Variants in KATNAL2 observed in about 807,000 individuals in gnomAD.
KATNAL2 encodes katanin p60 ATPase-containing subunit A-like 2.
A neutral mutation model predicts 76.3 loss-of-function variants in KATNAL2; 52 were observed. The observed-to-expected ratio is 0.68, with a 90% CI of 0.55 to 0.86. The LOEUF is 0.86. Ranked by LOEUF, KATNAL2 falls within the 40% of genes least tolerant of loss-of-function variation. The probability of loss-of-function intolerance (pLI) is 0.00; values close to 1 mark genes in which losing one functional copy is unlikely to be tolerated. For synonymous variants in KATNAL2, 243 were observed against 244.2 expected (o/e 1.00, Z 0.05); for missense variants, 660 against 668.9 (o/e 0.99, Z 0.15).
At chr18:47,081,903 T>TA (rs1163306832) in intron 15 of KATNAL2, among the ~76,000 whole-genome samples, 6 of 152,156 alleles carry the variant, frequency 3.9e-5, no homozygotes, top group Non-Finnish European at 7.3e-5. Context: ...AGCTAGGAAA[T>TA]ACGTATCTTT....
chr18:46,950,298 CTT>C (rs1213870551), intron 3 of KATNAL2, among the ~76,000 whole-genome samples: 1 of 152,096 alleles, frequency 6.6e-6, no homozygotes, highest in Non-Finnish European at 1.5e-5. Flanking sequence ...GGTTTGATCT[CTT>C]GGGGTCTATG....
intron 1 of KATNAL2, among the ~76,000 whole-genome samples, chr18:46,934,843 A>T (rs939309775): frequency 2.0e-5 from 3 of 152,146 alleles, no homozygotes; most frequent in African/African-American, 7.2e-5. Context: ...TAAGGAAGGG[A>T]TCCAGTTTCA....
chr18:47,055,424 C>T (rs2061443745), intron 6 of KATNAL2, among the ~76,000 whole-genome samples: 1 of 152,188 alleles, frequency 6.6e-6, no homozygotes, highest in Non-Finnish European at 1.5e-5. Flanking sequence ...CGCTACATTT[C>T]CCACCCCTGC....
intron 3 of KATNAL2, among the ~76,000 whole-genome samples, chr18:47,042,508 C>T (rs1343725605): frequency 1.3e-5 from 2 of 152,062 alleles, no homozygotes; most frequent in South Asian, 2.1e-4. Flanking sequence ...CATAACTGAA[C>T]CTCTTCATTA....
chr18:47,034,749 T>G (rs975232089), intron 3 of KATNAL2: 32 of 1,612,730 alleles, frequency 2.0e-5, no homozygotes, highest in Non-Finnish European at 2.7e-5. Flanking sequence ...CTGTGCGCGT[T>G]GGAGAGGCCC....
intron 3 of KATNAL2, among the ~76,000 whole-genome samples, chr18:46,951,848 G>A (rs2059567172): frequency 6.6e-6 from 1 of 152,092 alleles, no homozygotes; most frequent in Non-Finnish European, 1.5e-5. Flanking sequence ...TTGGCTCACT[G>A]TAACCTCCAC....
chr18:46,962,207 C>G (rs2060001384), intron 3 of KATNAL2, among the ~76,000 whole-genome samples: 1 of 143,020 alleles, frequency 7.0e-6, no homozygotes, highest in Non-Finnish European at 1.5e-5. Flanking sequence ...CTCCGTTTGG[C>G]CCAGCCTGTT....
At chr18:46,942,106 A>T (rs948817949) in intron 1 of KATNAL2, among the ~76,000 whole-genome samples, 2 of 152,192 alleles carry the variant, frequency 1.3e-5, no homozygotes, top group African/African-American at 4.8e-5. Flanking sequence ...AGGTTGCTCT[A>T]TGAGGAAGTT....
chr18:46,931,622 C>T (rs1443083645), intron 1 of KATNAL2, among the ~76,000 whole-genome samples: 9 of 150,854 alleles, frequency 6.0e-5, no homozygotes, highest in South Asian at 2.1e-4. Context: ...CATTGCACTC[C>T]GGCCTGGACA....
At chr18:47,076,624 G>C (rs2062237177) in intron 14 of KATNAL2, 1 of 152,054 alleles carries the variant, frequency 6.6e-6, no homozygotes, top group Non-Finnish European at 1.5e-5. Context: ...TGGGATCAAA[G>C]ACTCCAAAAT....
intron 15 of KATNAL2, chr18:47,099,012 CTCCT>C: frequency 2.6e-6 from 1 of 385,718 alleles, no homozygotes; most frequent in Non-Finnish European, 4.6e-6. Context: ...TCTCTTTCTT[CTCCT>C]TCCTTTCTGC....
chr18:47,089,911 T>TA (rs201452881), intron 15 of KATNAL2, among the ~76,000 whole-genome samples: 4,498 of 150,716 alleles, frequency 0.03, 112 homozygotes, highest in Non-Finnish European at 0.047. Flanking sequence ...GTATTTCTTT[T>TA]AAAAAAAAAA....
At chr18:47,095,738 T>A (rs2063205303) in intron 15 of KATNAL2, among the ~76,000 whole-genome samples, 1 of 152,166 alleles carries the variant, frequency 6.6e-6, no homozygotes, top group African/African-American at 2.4e-5. Context: ...ATTGAACAAC[T>A]GGTGTGGTGT....
chr18:46,930,712 G>T (rs1051824577), intron 1 of KATNAL2, among the ~76,000 whole-genome samples: 1 of 151,990 alleles, frequency 6.6e-6, no homozygotes, highest in Non-Finnish European at 1.5e-5. Flanking sequence ...CTAGTTGGGA[G>T]GCTGAGGCAG....
chr18:47,059,424 A>G, intron 7 of KATNAL2, 132 bp from the exon 8 acceptor site: 1 of 683,062 alleles, frequency 1.5e-6, no homozygotes, highest in South Asian at 1.7e-5. Flanking sequence ...AAATGTGGCT[A>G]AGCTACATGT....
At chr18:47,057,280 G>A (rs1241889304) in intron 6 of KATNAL2, among the ~76,000 whole-genome samples, 1 of 152,172 alleles carries the variant, frequency 6.6e-6, no homozygotes, top group African/African-American at 2.4e-5. Flanking sequence ...AGTGCTAAGA[G>A]AACTAAGCAA....
intron 13 of KATNAL2, among the ~76,000 whole-genome samples, chr18:47,073,440 C>T (rs936887754): frequency 6.6e-6 from 1 of 152,190 alleles, no homozygotes; most frequent in Non-Finnish European, 1.5e-5. Flanking sequence ...TCAGAAATTA[C>T]ATCATTTTCT....
intron 15 of KATNAL2, among the ~76,000 whole-genome samples, chr18:47,079,675 A>G (rs1456953068): frequency 6.7e-6 from 1 of 149,730 alleles, no homozygotes; most frequent in African/African-American, 2.5e-5. Flanking sequence ...CTTTTCCTCC[A>G]CTTGTCATTG....
At chr18:47,078,318 C>A (rs1234848127) in intron 15 of KATNAL2, among the ~76,000 whole-genome samples, 1 of 152,100 alleles carries the variant, frequency 6.6e-6, no homozygotes, top group African/African-American at 2.4e-5. Flanking sequence ...GGACCCCCCC[C>A]AAACCAGAAG....
Sources: gnomAD v4.1 joint callset for allele counts (sites outside exome capture counted in the v4.1 genomes callset) on GRCh38, gnomAD v4.1.1 for gene constraint, MANE v1.5 for transcripts, NCBI Gene and HGNC (gene_info 2026-07-23, HGNC 2026-07-21) for gene names.